The following NKAIN2 variants were observed in gnomAD, a reference collection of about 807,000 sequenced individuals.
NKAIN2 encodes sodium/potassium-transporting ATPase subunit beta-1-interacting protein 2.
A neutral mutation model predicts 32.6 loss-of-function variants in NKAIN2; 14 were observed. The ratio of observed to expected loss-of-function variants is 0.43; its 90% CI spans 0.28 to 0.67. The LOEUF is 0.67. Among genes scored for constraint, NKAIN2 ranks in the 30% least tolerant of loss-of-function variants. NKAIN2 has a pLI of 0.17. For missense variants in NKAIN2, 198 were observed against 258.3 expected (o/e 0.77, Z 1.60); for synonymous variants, 80 against 87.2 (o/e 0.92, Z 0.46).
At chr6:124,111,382 C>T (rs1192455048) in intron 1 of NKAIN2, among the ~76,000 whole-genome samples, 1 of 148,272 alleles carries the variant, frequency 6.7e-6, no homozygotes, top group Non-Finnish European at 1.5e-5. Flanking sequence ...TCGAGGTGCT[C>T]TGATGTTGAG....
intron 3 of NKAIN2, among the ~76,000 whole-genome samples, chr6:124,587,195 T>C (rs1041763599): frequency 6.6e-6 from 1 of 152,144 alleles, no homozygotes; most frequent in Non-Finnish European, 1.5e-5. Context: ...AAACTTTTTT[T>C]GTTAAAAAAG....
intron 3 of NKAIN2, among the ~76,000 whole-genome samples, chr6:124,359,858 A>G (rs1277407795): frequency 6.6e-6 from 1 of 152,190 alleles, no homozygotes; most frequent in Non-Finnish European, 1.5e-5. Flanking sequence ...GCCAGTTTTC[A>G]AAGGGAATGC....
chr6:124,581,374 G>A (rs990259052), intron 3 of NKAIN2, among the ~76,000 whole-genome samples: 2 of 149,236 alleles, frequency 1.3e-5, no homozygotes, highest in Non-Finnish European at 3.0e-5. Context: ...GGGAAGCGGA[G>A]CTTGCAGTGA....
chr6:124,133,840 G>T (rs566956144), intron 1 of NKAIN2, among the ~76,000 whole-genome samples: 1 of 151,772 alleles, frequency 6.6e-6, no homozygotes, highest in Non-Finnish European at 1.5e-5. Context: ...TGATCCTTAC[G>T]AGGGGAAAAA....
At chr6:123,878,983 T>C (rs1299185484) in intron 1 of NKAIN2, among the ~76,000 whole-genome samples, 1 of 152,226 alleles carries the variant, frequency 6.6e-6, no homozygotes, top group Non-Finnish European at 1.5e-5. Flanking sequence ...TGCCTTTTTT[T>C]CCAATACTGA....
intron 3 of NKAIN2, among the ~76,000 whole-genome samples, chr6:124,589,452 G>A (rs1267551178): frequency 6.6e-6 from 1 of 152,058 alleles, no homozygotes; most frequent in African/African-American, 2.4e-5. Context: ...TCTTGATAAC[G>A]TGGGGTCACT....
chr6:124,427,925 A>G (rs1775052739), intron 3 of NKAIN2, among the ~76,000 whole-genome samples: 1 of 152,164 alleles, frequency 6.6e-6, no homozygotes, highest in African/African-American at 2.4e-5. Context: ...TATTTAAAAT[A>G]AAATACTTAA....
chr6:124,806,555 C>T lies in NKAIN2; in HGVS notation c.536-11832C>T, dbSNP rs879441419. On this transcript the variant is annotated intron_variant, in intron 5 of 6. Transcript: ENST00000368417. ...AATCATGCCAAAATGTAAAGACCAT[C>T]GAGACTAGGAAGAAACTGCATCAAC... Among the ~76,000 whole-genome samples the T allele has an allele frequency of 8.4e-4, 128 of 152,056 alleles. 3 individuals carry two copies. The highest frequency in any genetic ancestry group is 1.3e-3 in the South Asian group (6 of 4,794).
At chr6:123,929,960 C>A (rs1776180241) in intron 1 of NKAIN2, among the ~76,000 whole-genome samples, 1 of 151,998 alleles carries the variant, frequency 6.6e-6, no homozygotes, top group Non-Finnish European at 1.5e-5. Flanking sequence ...GATACTCAAC[C>A]TATAGTGAGA....
intron 1 of NKAIN2, among the ~76,000 whole-genome samples, chr6:123,873,887 G>A (rs1773034426): frequency 6.6e-6 from 1 of 152,134 alleles, no homozygotes; most frequent in Admixed American, 6.6e-5. Context: ...TGTTCATTCA[G>A]ACCTTTGTGC....
rs1182191271 is a variant in NKAIN2 at position 124,121,959 on chromosome 6, AT to A, written c.55-161045del. 5.9e-6 allele frequency: 6 copies of A among 1,024,292 alleles called. No individual in the cohort carries two copies. In the Admixed American group the frequency reaches 1.4e-4, roughly 25 times the overall value. The allele number at this position is 1,024,292 out of a possible 1,614,324, so 63.5% of individuals were successfully genotyped here. On this transcript the variant is annotated intron_variant, in intron 1 of 6. Transcript: ENST00000368417. ...TCTTAACCGTGAGTTTTTCAGAGTA[AT>A]ATTTTTCCATTTGTGTCTACAGGGT...
intron 3 of NKAIN2, among the ~76,000 whole-genome samples, chr6:124,508,881 T>C (rs1315040238): frequency 6.6e-6 from 1 of 152,170 alleles, no homozygotes; most frequent in Non-Finnish European, 1.5e-5. Context: ...TCTCATCATA[T>C]AGCATTCTTC....
intron 1 of NKAIN2, among the ~76,000 whole-genome samples, chr6:124,071,245 G>A (rs185561575): frequency 1.6e-3 from 245 of 152,192 alleles, no homozygotes; most frequent in African/African-American, 5.6e-3. Flanking sequence ...TTAATAAATG[G>A]TGCTGGGAAA....
intron 1 of NKAIN2, among the ~76,000 whole-genome samples, chr6:124,261,089 A>G (rs1487415170): frequency 1.3e-5 from 2 of 152,208 alleles, no homozygotes; most frequent in African/African-American, 4.8e-5. Context: ...TAGAGATGGA[A>G]AAATAGCATA....
chr6:124,613,378 G>A (rs757452195), intron 3 of NKAIN2, among the ~76,000 whole-genome samples: 7 of 152,130 alleles, frequency 4.6e-5, no homozygotes, highest in Non-Finnish European at 8.8e-5. Flanking sequence ...AAAGTACACT[G>A]AGGATATCCA....
chr6:124,285,292 A>G (rs1426852727), intron 2 of NKAIN2, among the ~76,000 whole-genome samples: 1 of 152,054 alleles, frequency 6.6e-6, no homozygotes, highest in East Asian at 1.9e-4. Context: ...CTGCTTGAAA[A>G]TCTTTCTTTA....
At chr6:124,492,930 C>G (rs1162569188) in intron 3 of NKAIN2, among the ~76,000 whole-genome samples, 1 of 151,970 alleles carries the variant, frequency 6.6e-6, no homozygotes, top group South Asian at 2.1e-4. Context: ...GAGGTATATT[C>G]TGGAGTCAGG....
At chr6:124,821,136 A>C (rs934240542) in intron 6 of NKAIN2, among the ~76,000 whole-genome samples, 2 of 152,062 alleles carry the variant, frequency 1.3e-5, no homozygotes, top group African/African-American at 2.4e-5. Context: ...CTCTACTAAA[A>C]ATACAAAAAT....
chr6:124,676,691 G>C (rs903545631), intron 4 of NKAIN2, among the ~76,000 whole-genome samples: 1 of 152,026 alleles, frequency 6.6e-6, no homozygotes, highest in African/African-American at 2.4e-5. Context: ...CCTCAAAATC[G>C]TGAGCTGAAA....
Sources: allele counts gnomAD v4.1 joint callset (sites outside exome capture counted in the v4.1 genomes callset), GRCh38; gene constraint gnomAD v4.1.1; transcripts MANE v1.5; gene names NCBI Gene and HGNC (gene_info 2026-07-23, HGNC 2026-07-21).